Variants in COL5A2 observed in about 807,000 individuals in gnomAD.
The protein encoded by COL5A2 is collagen alpha-2(V) chain.
Under a neutral mutation model 208.2 loss-of-function variants are expected in COL5A2, and 23 were observed. The observed-to-expected ratio is 0.11, with a 90% CI of 0.08 to 0.16. COL5A2 has a LOEUF of 0.16. Ranked by LOEUF, COL5A2 falls within the 10% of genes least tolerant of loss-of-function variation. The pLI, the probability that COL5A2 is intolerant of heterozygous loss-of-function variation, is 1.00. For missense variants in COL5A2, 1,590 were observed against 1,956.4 expected, an observed-to-expected ratio of 0.81 and a Z score of 3.53; for synonymous variants, 625 against 628.5, an observed-to-expected ratio of 0.99 and a Z score of 0.08.
chr2:189,074,303 A>T (rs1437227975), intron 17 of COL5A2, among the ~76,000 whole-genome samples: 3 of 152,052 alleles, frequency 2.0e-5, no homozygotes, highest in Non-Finnish European at 4.4e-5. Context: ...TATGATCTAG[A>T]TCTAGTTATA....
At chr2:189,355,107 T>C in the COL5A2 span, among the ~76,000 whole-genome samples, 1 of 152,234 alleles carries the variant, frequency 6.6e-6, no homozygotes, top group Non-Finnish European at 1.5e-5. Context: ...AGTTTCTCAA[T>C]CCTAAATTCT....
chr2:189,342,088 T>C, the COL5A2 span, among the ~76,000 whole-genome samples: 1 of 151,506 alleles, frequency 6.6e-6, no homozygotes, highest in Non-Finnish European at 1.5e-5. Flanking sequence ...TTAGAATTTA[T>C]AAAAATAAGT....
chr2:189,318,659 T>C, the COL5A2 span, among the ~76,000 whole-genome samples: 1 of 152,222 alleles, frequency 6.6e-6, no homozygotes, highest in Non-Finnish European at 1.5e-5. Flanking sequence ...GAGAACACTT[T>C]GAAGCACTTA....
At chr2:189,262,666 C>T in the COL5A2 span, among the ~76,000 whole-genome samples, 9 of 151,736 alleles carry the variant, frequency 5.9e-5, no homozygotes, top group Non-Finnish European at 8.8e-5. Context: ...ATTTTAAATC[C>T]CTATATTGTT....
the COL5A2 span, among the ~76,000 whole-genome samples, chr2:189,417,727 G>A: frequency 2.0e-5 from 3 of 151,632 alleles, no homozygotes; most frequent in South Asian, 2.1e-4. Flanking sequence ...TTCATTTAAC[G>A]TGATGTCCTC....
chr2:189,063,158 T>G lies in COL5A2; in HGVS notation c.1869+14A>C. The stretch of plus-strand genomic sequence containing the variant: ...TCATGATGAGGTGGCCAACATATTA[T>G]ACACTGTACTCACACTGCTACCTTT... On this transcript the variant is annotated intron_variant, in intron 27 of 53. Coordinates refer to ENST00000374866, the MANE Select transcript of COL5A2 (RefSeq NM_000393.5). 6.2e-7 allele frequency: 1 copy of G among 1,613,224 alleles called. No homozygotes were observed.
chr2:189,362,985 G>T, the COL5A2 span, among the ~76,000 whole-genome samples: 9 of 151,844 alleles, frequency 5.9e-5, no homozygotes, highest in Admixed American at 5.9e-4. Context: ...ATATGCATAA[G>T]TTCCTAGACT....
At chr2:189,056,725 C>A in intron 35 of COL5A2, 1 of 552,304 alleles carries the variant, frequency 1.8e-6, no homozygotes, top group Non-Finnish European at 3.2e-6. Context: ...ATAAAGAGGG[C>A]CCCCATCCCC....
intron 18 of COL5A2, among the ~76,000 whole-genome samples, chr2:189,070,242 G>A (rs902998682): frequency 2.0e-5 from 3 of 152,158 alleles, no homozygotes; most frequent in Admixed American, 2.0e-4. Flanking sequence ...ATGTACCTAT[G>A]TGGATCTAAT....
At chr2:189,142,930 T>C (rs936148365) in intron 1 of COL5A2, among the ~76,000 whole-genome samples, 8 of 152,184 alleles carry the variant, frequency 5.3e-5, no homozygotes, top group African/African-American at 1.9e-4. Context: ...ATTCATTCTC[T>C]TAAATATTAT....
rs988397864 is a variant in COL5A2 at position 189,045,282 on chromosome 2, C to T, written c.3310-50G>A. 4 of 1,200,116 alleles carry T rather than the reference C, an allele frequency of 3.3e-6. No individual in the cohort carries two copies. In the African/African-American group the frequency reaches 6.1e-5, roughly 18 times the overall value. The allele number at this position is 1,200,116 out of a possible 1,614,324, so 74.3% of individuals were successfully genotyped here. On this transcript the variant is annotated intron_variant, in intron 46 of 53. Coordinates refer to ENST00000374866, the MANE Select transcript of COL5A2 (RefSeq NM_000393.5). ...AATTGGCATGTAAAAAAGATATTCA[C>T]ATATTACATAGATACAGGATGTCAA...
rs1314294316 is a variant in COL5A2, at chr2:189,032,800, T to A, written c.*1270A>T. The A allele has an allele frequency of 6.6e-6, 1 of 152,554 alleles. No individual in the cohort carries two copies. Among genetic ancestry groups the A allele is most frequent in the East Asian group, 1.9e-4 (1 of 5,194 alleles). 9.5% of individuals were successfully genotyped at this position (152,554 alleles called of 1,614,324 possible). A position where few individuals can be genotyped will look rare whatever the true frequency, so the allele number is the denominator to read the frequency against. On this transcript the variant is annotated 3_prime_UTR_variant, in exon 54 of 54. Transcript: ENST00000374866. The stretch of plus-strand genomic sequence containing the variant: ...TGCTCTTTCTTTCAGAAACGGGAAG[T>A]CTAACAGTTATGTTTTCACAATGGT...
At chr2:189,100,081 G>T in intron 4 of COL5A2, 26 bp downstream of exon 4, 1 of 1,575,246 alleles carries the variant, frequency 6.3e-7, no homozygotes, top group South Asian at 1.1e-5. Flanking sequence ...AAGGTACAAG[G>T]AAACAATGAT....
the COL5A2 span, among the ~76,000 whole-genome samples, chr2:189,310,722 A>T: frequency 1.0e-5 from 1 of 96,516 alleles, no homozygotes; most frequent in African/African-American, 4.2e-5. Flanking sequence ...CACATACACA[A>T]TGGAGTACTA....
chr2:189,059,585 G>GTTTTTTTTTTTTTTTTT (rs71020980), intron 31 of COL5A2, among the ~76,000 whole-genome samples: 1,646 of 28,624 alleles, frequency 0.058, 592 homozygotes, highest in Non-Finnish European at 0.087. Context: ...TTCTTTTCTG[G>GTTTTTTTTTTTTTTTTT]TTTTTTTTTT....
the COL5A2 span, among the ~76,000 whole-genome samples, chr2:189,437,983 T>G: frequency 6.6e-6 from 1 of 151,764 alleles, no homozygotes; most frequent in African/African-American, 2.4e-5. Context: ...TTTTAAAAAT[T>G]TTATTAAATA....
the COL5A2 span, among the ~76,000 whole-genome samples, chr2:189,423,023 C>CAAAA: frequency 8.9e-6 from 1 of 112,842 alleles, no homozygotes. Flanking sequence ...AACTCTGTCT[C>CAAAA]AAAAAAAAAA....
Position 189,063,847 on chromosome 2 carries a change from C to A in COL5A2, c.1770+133G>T, listed in dbSNP as rs1045033134. Reference sequence around the variant, plus strand: ...AAAATAGATCCTAAGAATATGCTTCCAGAAGTTGGTACAAATATGTCAATA... The same window carrying A: ...AAAATAGATCCTAAGAATATGCTTCAAGAAGTTGGTACAAATATGTCAATA... On this transcript the variant is annotated intron_variant, in intron 26 of 53. Transcript: ENST00000374866. 14 of 697,844 alleles carry A rather than the reference C, an allele frequency of 2.0e-5. 1 individual carries two copies. Among genetic ancestry groups the A allele is most frequent in the Non-Finnish European group, 4.8e-6 (2 of 412,586 alleles). 43.2% of individuals were successfully genotyped at this position (697,844 alleles called of 1,614,324 possible).
chr2:189,358,528 T>C, the COL5A2 span, among the ~76,000 whole-genome samples: 1 of 152,198 alleles, frequency 6.6e-6, no homozygotes, highest in Non-Finnish European at 1.5e-5. Flanking sequence ...GCTTTGTTCT[T>C]TTTGCTCATA....
Sources: allele counts gnomAD v4.1 joint callset (sites outside exome capture counted in the v4.1 genomes callset), GRCh38; gene constraint gnomAD v4.1.1; transcripts MANE v1.5; gene names NCBI Gene and HGNC (gene_info 2026-07-23, HGNC 2026-07-21).